Variants in MACF1 observed in about 807,000 individuals in gnomAD.
MACF1 encodes the protein microtubule actin crosslinking factor 1.
A neutral mutation model predicts 854.8 loss-of-function variants in MACF1; 193 were observed. The ratio of observed to expected loss-of-function variants is 0.23; its 90% CI spans 0.20 to 0.25. MACF1 has a LOEUF of 0.25. MACF1 is among the 10% of genes least tolerant of loss of function. MACF1 has a pLI of 1.00. For missense variants in MACF1, 7,722 were observed against 8,929.1 expected, an observed-to-expected ratio of 0.86 and a Z score of 5.45; for synonymous variants, 3,185 against 3,226.7, an observed-to-expected ratio of 0.99 and a Z score of 0.44.
At chr1:39,096,476 G>C (rs910671812) in intron 2 of MACF1, among the ~76,000 whole-genome samples, 3 of 151,694 alleles carry the variant, frequency 2.0e-5, no homozygotes, top group African/African-American at 7.3e-5. Flanking sequence ...TGTAATCCTA[G>C]CTACTCGGAG....
At chr1:39,357,957 A>G (rs1236456098) in intron 45 of MACF1, 64 bp downstream of exon 45, 1 of 1,500,486 alleles carries the variant, frequency 6.7e-7, no homozygotes, top group Non-Finnish European at 9.0e-7. Flanking sequence ...CAATGTAGGT[A>G]GTGTCTGGGG....
In MACF1 at chr1:39,084,188, A is replaced by G; in HGVS notation, c.-31A>G. The G allele has an allele frequency of 6.2e-7, 1 of 1,600,632 alleles. No individual in the cohort carries two copies. The highest frequency in any genetic ancestry group is 8.5e-7 in the Non-Finnish European group (1 of 1,172,258). On this transcript the variant is annotated 5_prime_UTR_variant, in exon 2 of 94. Transcript: ENST00000361689. This position sits in a 1 kb window ranked among gnomAD's most constrained non-coding sequence, Gnocchi z 5.2. ...TCAGATCACTTCTCCCTGGGCTCCC[A>G]GGCCCTCCTGCAGCAGCCCCCGCCT...
At chr1:39,451,028 G>C in intron 84 of MACF1, 24 bp from the exon 85 acceptor site, 1 of 1,606,062 alleles carries the variant, frequency 6.2e-7, no homozygotes, top group Non-Finnish European at 8.5e-7. Flanking sequence ...CCTAAAAATG[G>C]TAGCGTTTGT....
At chr1:39,382,952 C>T (rs1326683719) in intron 56 of MACF1, among the ~76,000 whole-genome samples, 2 of 151,440 alleles carry the variant, frequency 1.3e-5, no homozygotes, top group Non-Finnish European at 2.9e-5. Flanking sequence ...GAAACCTTGC[C>T]TCTACTAAAA....
At chr1:39,186,204 CTCTCTCTCTCTGTGTGTGTGTG>C (rs1272978249) in intron 2 of MACF1, among the ~76,000 whole-genome samples, 76 of 64,712 alleles carry the variant, frequency 1.2e-3, no homozygotes, top group African/African-American at 2.9e-3. Context: ...CTCTCTCTCT[CTCTCTCTCTCTGTGTGTGTGTG>C]TGTGTGTGTG....
In MACF1 at chr1:39,333,449, A is replaced by G. The variant is rs754146497; in HGVS notation, c.6861A>G (p.Val2287=). The G allele has an allele frequency of 2.5e-6, 4 of 1,614,180 alleles. No homozygotes were observed. The highest frequency in any genetic ancestry group is 2.2e-5 in the East Asian group (1 of 44,884). The change falls in exon 37 of 101, where the codon GTA becomes GTG. Residue 2287 remains valine, a synonymous_variant. Transcript: ENST00000564288. ...LELLEEATLN[V]LSAQLLDGGI... ...TGCTTGAAGAAGCTACCTTAAATGT[A>G]TTATCTGCACAGTTACTAGATGGTG...
At chr1:39,164,555 C>T (rs1315928463) in intron 2 of MACF1, among the ~76,000 whole-genome samples, 2 of 152,218 alleles carry the variant, frequency 1.3e-5, no homozygotes, top group Non-Finnish European at 2.9e-5. Flanking sequence ...TGAAGCTTTT[C>T]TCACAGCAAC....
chr1:39,297,481 C>T (rs898045634), intron 20 of MACF1, 139 bp from the exon 21 acceptor site: 1 of 1,020,448 alleles, frequency 9.8e-7, no homozygotes, highest in African/African-American at 1.6e-5. Flanking sequence ...TTCAGTGGTC[C>T]TTGTAATAAA....
rs145079541 is a variant in MACF1 at position 39,458,490 on chromosome 1, A to G, written c.21196A>G (p.Arg7066Gly). ...CATAGAGAAATCCCGCAGCGGAGGC[A>G]GTATGTTTCCAGCCCCCTGTGTTAG... ...PFIEKSRSGGRKSLSQPTPPP... is the reference protein window; with the variant it reads ...PFIEKSRSGGGKSLSQPTPPP... Residue 7066 changes from arginine (R) to glycine (G), a missense_variant and splice_region_variant, in exon 90 of 101, where the codon AGG becomes GGG. By Grantham distance (125) the Arg-to-Gly change is moderately radical. This residue lies in a region of MACF1 where 729 missense variants were observed against 900.5 expected (regional missense o/e 0.81). Transcript: ENST00000564288. 1.2e-6 allele frequency: 2 copies of G among 1,613,074 alleles called. No individual in the cohort carries two copies. Among genetic ancestry groups the G allele is most frequent in the African/African-American group, 1.3e-5 (1 of 74,960 alleles).
intron 2 of MACF1, among the ~76,000 whole-genome samples, chr1:39,125,687 T>C (rs980466350): frequency 1.3e-4 from 20 of 152,218 alleles, no homozygotes; most frequent in Non-Finnish European, 1.5e-4. Context: ...AATCCATCTT[T>C]TTGATTTTAG....
chr1:39,470,200 C>T (rs1214597338), intron 97 of MACF1, among the ~76,000 whole-genome samples: 1 of 152,184 alleles, frequency 6.6e-6, no homozygotes, highest in Non-Finnish European at 1.5e-5. Context: ...TAGTCATATT[C>T]TGAAGCATTT....
At position 39,133,705 on chromosome 1, in the gene MACF1, A is replaced by G. The variant is rs1392569153; in HGVS notation, c.220+49267A>G. On this transcript the variant is annotated intron_variant, in intron 2 of 93. Coordinates refer to the MACF1 transcript ENST00000361689. ...AGCTAGTTAACATCTGTCACTTCAC[A>G]TAGTTTTGTGTGATGAGAATATTTA... 2.0e-5 allele frequency among the ~76,000 whole-genome samples: 3 copies of G among 152,210 alleles called. No homozygotes were observed. In the South Asian group the frequency reaches 6.2e-4, roughly 32 times the overall value.
Position 39,318,665 on chromosome 1 carries a change from T to C in MACF1, c.3945+50T>C, listed in dbSNP as rs1322852858. The stretch of plus-strand genomic sequence containing the variant: ...AGAAGAGTTAGAAATTTAAATTTTC[T>C]TTATCATAAAAGAAAATGATGTACT... On this transcript the variant is annotated intron_variant, in intron 30 of 100. Transcript: ENST00000564288. The C allele has an allele frequency of 1.5e-5, 23 of 1,504,756 alleles. No individual in the cohort carries two copies. In the East Asian group the frequency reaches 5.4e-4, roughly 35 times the overall value. 93.2% of individuals were successfully genotyped at this position (1,504,756 alleles called of 1,614,324 possible).
At chr1:39,117,349 A>G (rs1642573020) in intron 2 of MACF1, among the ~76,000 whole-genome samples, 1 of 152,010 alleles carries the variant, frequency 6.6e-6, no homozygotes, top group African/African-American at 2.4e-5. Context: ...GTTTATTGCC[A>G]TGTTCGCCAC....
chr1:39,286,441 A>G (rs1045736413), intron 14 of MACF1, among the ~76,000 whole-genome samples: 6 of 151,552 alleles, frequency 4.0e-5, no homozygotes, highest in Non-Finnish European at 8.8e-5. Flanking sequence ...GATGAAAATT[A>G]TGTAAAGTCA....
chr1:39,440,963 G>A, intron 72 of MACF1, 40 bp from the exon 73 acceptor site: 1 of 1,612,542 alleles, frequency 6.2e-7, no homozygotes, highest in Non-Finnish European at 8.5e-7. Flanking sequence ...GTTCTGTTCT[G>A]TTTTCTATTT....
chr1:39,300,437 G>A lies in MACF1; in HGVS notation c.2634+75G>A, dbSNP rs182960422. 3.4e-4 allele frequency: 471 copies of A among 1,374,724 alleles called. 4 individuals carry two copies. The East Asian group carries it at 0.011, about 33-fold the overall frequency. The allele number at this position is 1,374,724 out of a possible 1,614,324, so 85.2% of individuals were successfully genotyped here. A position where few individuals can be genotyped will look rare whatever the true frequency, so the allele number is the denominator to read the frequency against. The stretch of plus-strand genomic sequence containing the variant: ...AAGGGAAGCCTTCAGTTAGGGTTAT[G>A]ATGATAAAAGATCAAATTACAGCGT... On this transcript the variant is annotated intron_variant, in intron 22 of 100. Transcript: ENST00000564288.
intron 58 of MACF1, chr1:39,410,390 T>C: frequency 6.2e-7 from 1 of 1,613,890 alleles, no homozygotes; most frequent in Non-Finnish European, 8.5e-7. Context: ...TATGATACGA[T>C]GAGGATAAAT....
Position 39,463,419 on chromosome 1 carries a change from G to A in MACF1, c.21679-193G>A, listed in dbSNP as rs61162809. 4.3e-3 allele frequency among the ~76,000 whole-genome samples: 661 copies of A among 152,124 alleles called. 5 individuals carry two copies. Among genetic ancestry groups the A allele is most frequent in the African/African-American group, 0.014 (601 of 41,470 alleles). On this transcript the variant is annotated intron_variant, in intron 93 of 100. Transcript: ENST00000564288. ...GTAGGAGAATTGTTTGAACCAGGAG[G>A]CGGAGGTTGTGGTGGAGCCGAGATC...
Sources: gnomAD v4.1 joint callset for allele counts (sites outside exome capture counted in the v4.1 genomes callset) on GRCh38, gnomAD v4.1.1 for gene constraint, gnomAD v4.1.1 regional missense constraint, Gnocchi (gnomAD v3.1) non-coding constraint, MANE v1.5 for transcripts, NCBI Gene and HGNC (gene_info 2026-07-23, HGNC 2026-07-21) for gene names.